The following NAV2 variants were observed in gnomAD, a reference collection of about 807,000 sequenced individuals.
The protein encoded by NAV2 is helicase, APC down-regulated 1.
NAV2 carries 54 observed loss-of-function variants against 223.2 expected under a neutral mutation model. The observed-to-expected ratio is 0.24, with a 90% CI of 0.19 to 0.30. The LOEUF (loss-of-function observed/expected upper bound fraction) is 0.30, where lower values mean the gene tolerates loss of function less well. Among genes scored for constraint, NAV2 ranks in the 10% least tolerant of loss-of-function variants. NAV2 has a pLI of 1.00. For synonymous variants in NAV2, 1,279 were observed against 1,239.3 expected (o/e 1.03, Z -0.67); for missense variants, 2,806 against 3,147.5 (o/e 0.89, Z 2.60).
At chr11:19,865,130 T>A (rs1241786369) in intron 3 of NAV2, among the ~76,000 whole-genome samples, 6 of 152,252 alleles carry the variant, frequency 3.9e-5, no homozygotes, top group Non-Finnish European at 8.8e-5. Context: ...TGGTCTTATT[T>A]ACATACTTTG....
At chr11:19,734,563 G>A (rs1478022182) in intron 1 of NAV2, among the ~76,000 whole-genome samples, 1 of 152,154 alleles carries the variant, frequency 6.6e-6, no homozygotes, top group African/African-American at 2.4e-5. Flanking sequence ...AGCATTCGTT[G>A]CCAACACTGG....
chr11:19,964,532 G>A (rs1038078026), intron 10 of NAV2, among the ~76,000 whole-genome samples: 5 of 146,438 alleles, frequency 3.4e-5, no homozygotes, highest in Admixed American at 2.0e-4. Context: ...TAGGAGCTCT[G>A]TTGTGCAGGC....
chr11:19,948,454 T>C (rs2047113007), intron 9 of NAV2, among the ~76,000 whole-genome samples: 1 of 152,188 alleles, frequency 6.6e-6, no homozygotes, highest in African/African-American at 2.4e-5. Flanking sequence ...AATTCGTTTC[T>C]TGTACCATGT....
chr11:19,760,138 A>C (rs1334403950), intron 1 of NAV2: 1 of 152,454 alleles, frequency 6.6e-6, no homozygotes, highest in South Asian at 2.1e-4. Context: ...ATTAGGGTTT[A>C]AAACAGAACT....
chr11:19,760,881 G>A (rs564607955), intron 1 of NAV2, among the ~76,000 whole-genome samples: 32 of 152,182 alleles, frequency 2.1e-4, no homozygotes, highest in Non-Finnish European at 4.0e-4. Flanking sequence ...AGTCATGGGC[G>A]TGAATGAGTA....
At chr11:20,038,492 C>T (rs2056610079) in intron 12 of NAV2, among the ~76,000 whole-genome samples, 1 of 152,184 alleles carries the variant, frequency 6.6e-6, no homozygotes, top group Non-Finnish European at 1.5e-5. Context: ...CCTTTTGTTC[C>T]TGTCCAGGGA....
chr11:19,580,003 T>C (rs1024144989), intron 1 of NAV2, among the ~76,000 whole-genome samples: 5 of 152,214 alleles, frequency 3.3e-5, no homozygotes, highest in Admixed American at 1.3e-4. Context: ...AAACCTCCAA[T>C]TGGACAATTG....
chr11:19,990,654 C>T (rs1462066482), intron 11 of NAV2, among the ~76,000 whole-genome samples: 1 of 152,120 alleles, frequency 6.6e-6, no homozygotes, highest in African/African-American at 2.4e-5. Flanking sequence ...TCTCTAGCTG[C>T]CAGTATTTGA....
chr11:19,939,690 C>T lies in NAV2; in HGVS notation c.2063C>T (p.Thr688Ile), dbSNP rs1345930538. Reference protein sequence around the residue: ...RSQTDTEGNVTAESSSTGVSV... With the variant: ...RSQTDTEGNVIAESSSTGVSV... ...CAGACGGACACTGAAGGGAATGTTA[C>T]TGCCGAGTCAAGCTCAACAGGTGTG... The change falls in exon 8 of 38, where the codon ACT becomes ATT. Residue 688 changes from threonine (T) to isoleucine (I), a missense_variant. Coordinates refer to ENST00000349880, the MANE Select transcript of NAV2 (RefSeq NM_145117.5). 1.2e-6 allele frequency: 2 copies of T among 1,614,170 alleles called. No homozygotes were observed. The highest frequency in any genetic ancestry group is 1.3e-5 in the African/African-American group (1 of 75,064).
At chr11:19,409,586 C>T (rs973194493) in intron 1 of NAV2, among the ~76,000 whole-genome samples, 3 of 152,298 alleles carry the variant, frequency 2.0e-5, no homozygotes, top group Admixed American at 1.3e-4. Context: ...AGGCTGTCAG[C>T]AGAAGGACTC....
At chr11:19,625,519 T>C (rs1235732634) in intron 1 of NAV2, among the ~76,000 whole-genome samples, 1 of 152,160 alleles carries the variant, frequency 6.6e-6, no homozygotes, top group Admixed American at 6.5e-5. Context: ...AACATGGAGG[T>C]GCAGCTATTT....
At chr11:19,779,004 G>T (rs2056517823) in intron 1 of NAV2, among the ~76,000 whole-genome samples, 1 of 152,200 alleles carries the variant, frequency 6.6e-6, no homozygotes, top group African/African-American at 2.4e-5. Context: ...CCTCCCAGGG[G>T]ATGGCTTCTG....
At chr11:20,103,577 CATGGGCCT>C (rs2061800030) in intron 33 of NAV2, 68 bp from the exon 34 acceptor site, 1 of 1,541,552 alleles carries the variant, frequency 6.5e-7, no homozygotes, top group Non-Finnish European at 9.0e-7. Context: ...AGCACAGGGC[CATGGGCCT>C]CTGTGACCAC....
Position 20,103,640 on chromosome 11 carries a change from ATT to A in NAV2, c.6573-10_6573-9del. 6.2e-7 allele frequency: 1 copy of A among 1,613,580 alleles called. No individual in the cohort carries two copies. The highest frequency in any genetic ancestry group is 2.2e-5 in the East Asian group (1 of 44,852). On this transcript the variant is annotated splice_polypyrimidine_tract_variant and intron_variant, in intron 33 of 37. Coordinates refer to ENST00000349880, the MANE Select transcript of NAV2 (RefSeq NM_145117.5). ...TGGAATCACAGCTTTCTTTTCCTTTATTTTATCCGCAGCCCTTACATAATTGG... is the reference window on the plus strand; with the variant it reads ...TGGAATCACAGCTTTCTTTTCCTTTATTATCCGCAGCCCTTACATAATTGG...
chr11:19,652,504 G>T (rs2047999263), intron 1 of NAV2, among the ~76,000 whole-genome samples: 1 of 152,194 alleles, frequency 6.6e-6, no homozygotes, highest in African/African-American at 2.4e-5. Context: ...CTAAGCTTAG[G>T]TTTTTGGACA....
intron 1 of NAV2, among the ~76,000 whole-genome samples, chr11:19,639,535 A>G (rs1251834254): frequency 1.3e-5 from 2 of 152,248 alleles, no homozygotes; most frequent in African/African-American, 4.8e-5. Context: ...CCAGTTTTTA[A>G]TAAGGTTGTG....
chr11:20,117,256 G>A (rs2063188303), intron 37 of NAV2, among the ~76,000 whole-genome samples: 1 of 152,168 alleles, frequency 6.6e-6, no homozygotes, highest in Non-Finnish European at 1.5e-5. Context: ...CCCGTAGTAT[G>A]TAAACAAGGG....
intron 1 of NAV2, among the ~76,000 whole-genome samples, chr11:19,383,248 G>C (rs1162127515): frequency 2.6e-5 from 4 of 152,066 alleles, no homozygotes; most frequent in Non-Finnish European, 5.9e-5. Flanking sequence ...CAAAATATGA[G>C]CAGAAGAGCT....
At chr11:19,586,760 G>A (rs1476636353) in intron 1 of NAV2, among the ~76,000 whole-genome samples, 9 of 152,194 alleles carry the variant, frequency 5.9e-5, no homozygotes, top group African/African-American at 1.9e-4. Context: ...AGAGGAGTAC[G>A]CAGCCGTGTA....
Sources: gnomAD v4.1 joint callset for allele counts (sites outside exome capture counted in the v4.1 genomes callset) on GRCh38, gnomAD v4.1.1 for gene constraint, MANE v1.5 for transcripts, NCBI Gene and HGNC (gene_info 2026-07-23, HGNC 2026-07-21) for gene names.